Variants in GSTM2 observed in about 807,000 individuals in gnomAD.
GSTM2 encodes the protein glutathione S-transferase mu 2.
Under a neutral mutation model 33.3 loss-of-function variants are expected in GSTM2, and 33 were observed. The ratio of observed to expected loss-of-function variants is 0.99; its 90% CI spans 0.75 to 1.33. The LOEUF (loss-of-function observed/expected upper bound fraction) is 1.33. GSTM2 is among the 40% of genes most tolerant of loss of function. GSTM2 has a pLI of 0.00. For synonymous variants in GSTM2, 93 were observed against 95.6 expected (o/e 0.97, Z 0.16); for missense variants, 213 against 265.8 (o/e 0.80, Z 1.38).
chr1:109,676,457 T>C (rs1360776505), downstream of GSTM2, among the ~76,000 whole-genome samples: 1 of 152,126 alleles, frequency 6.6e-6, no homozygotes, highest in Non-Finnish European at 1.5e-5. Context: ...GTTCAAACAA[T>C]TCTCCTTCCT....
chr1:109,679,198 T>A (rs1647794695), downstream of GSTM2, among the ~76,000 whole-genome samples: 1 of 152,020 alleles, frequency 6.6e-6, no homozygotes, highest in South Asian at 2.1e-4. Context: ...TGGCTGGGCA[T>A]GGTGGCTCAT....
downstream of GSTM2, among the ~76,000 whole-genome samples, chr1:109,676,554 T>C (rs1647710248): frequency 6.6e-6 from 1 of 152,148 alleles, no homozygotes; most frequent in South Asian, 2.1e-4. Context: ...GTTTTCACCA[T>C]GTTGGCCATG....
chr1:109,679,508 T>G (rs1647804530), downstream of GSTM2, among the ~76,000 whole-genome samples: 1 of 152,186 alleles, frequency 6.6e-6, no homozygotes, highest in African/African-American at 2.4e-5. Flanking sequence ...CCTTCAAGTT[T>G]TCTACCTTCA....
downstream of GSTM2, among the ~76,000 whole-genome samples, chr1:109,675,959 C>G (rs1171273696): frequency 1.3e-5 from 2 of 152,356 alleles, no homozygotes; most frequent in Middle Eastern, 3.4e-3. Context: ...TTCCACAGGG[C>G]CTGGGAGGCC....
At chr1:109,678,826 G>A (rs1219624941), downstream of GSTM2, among the ~76,000 whole-genome samples, 1 of 150,510 alleles carries the variant, frequency 6.6e-6, no homozygotes, top group East Asian at 1.9e-4. Flanking sequence ...TAATATTGAT[G>A]GCTATCTCAT....
At chr1:109,680,202 T>C (rs1647829121), downstream of GSTM2, among the ~76,000 whole-genome samples, 1 of 147,810 alleles carries the variant, frequency 6.8e-6, no homozygotes, top group Non-Finnish European at 1.5e-5. Flanking sequence ...AATTTGTAAA[T>C]AAACACACAA....
downstream of GSTM2, among the ~76,000 whole-genome samples, chr1:109,677,455 A>G (rs1164110275): frequency 1.3e-5 from 2 of 152,242 alleles, no homozygotes; most frequent in Non-Finnish European, 2.9e-5. Flanking sequence ...ATATAATGGA[A>G]TACTTACTCT....
Position 109,682,487 on chromosome 1 carries a change from G to A in GSTM2, c.567+10904G>A, listed in dbSNP as rs1295724282. On this transcript the variant is annotated intron_variant, in intron 7 of 7. Coordinates refer to the GSTM2 transcript ENST00000369831. ...GATCTCCTGACCTCGTGATCCGCCC[G>A]CCTTGGCCTCCCAAAGTGTGGGGAT... Among the ~76,000 whole-genome samples, 17 of 100,162 alleles carry A rather than the reference G, an allele frequency of 1.7e-4. 3 individuals carry two copies. The highest frequency in any genetic ancestry group is 1.3e-3 in the South Asian group (4 of 3,076). The allele number at this position is 100,162 out of a possible 152,430, so 65.7% of individuals were successfully genotyped here. A position where few individuals can be genotyped will look rare whatever the true frequency, so the allele number is the denominator to read the frequency against.
In GSTM2 at chr1:109,674,690, T is replaced by G; in HGVS notation, c.568-57T>G. ...ACCTGCTGTGTCTGCAGTGGGGTTGTGCCAGCCCTCATGGGCAGCTGACCT... is the reference window on the plus strand; with the variant it reads ...ACCTGCTGTGTCTGCAGTGGGGTTGGGCCAGCCCTCATGGGCAGCTGACCT... On this transcript the variant is annotated intron_variant, in intron 7 of 7. Transcript: ENST00000241337. The G allele has an allele frequency of 4.3e-6, 7 of 1,613,502 alleles. No homozygotes were observed. The South Asian group carries it at 7.7e-5, about 18-fold the overall frequency.
At position 109,668,268 on chromosome 1, in the gene GSTM2, G is replaced by A. The variant is rs551163954; in HGVS notation, c.36+117G>A. The stretch of plus-strand genomic sequence containing the variant: ...CTTCAGGGCTGTCCCTGACAGCGGG[G>A]TCTGTGCTTGCCGCTGTCTGTGCGT... On this transcript the variant is annotated intron_variant, in intron 1 of 7. Coordinates refer to ENST00000241337, the MANE Select transcript of GSTM2 (RefSeq NM_000848.4). The A allele has an allele frequency of 2.1e-5, 29 of 1,350,852 alleles. 1 individual carries two copies. The South Asian group carries it at 2.6e-4, about 12-fold the overall frequency. The allele number at this position is 1,350,852 out of a possible 1,614,324, so 83.7% of individuals were successfully genotyped here.
At chr1:109,669,445 A>T in intron 4 of GSTM2, 26 bp from the exon 5 acceptor site, 1 of 1,613,344 alleles carries the variant, frequency 6.2e-7, no homozygotes, top group Non-Finnish European at 8.5e-7. Flanking sequence ...TGTGAGGCTG[A>T]GAGTGAATCT....
intron 7 of GSTM2, among the ~76,000 whole-genome samples, chr1:109,680,380 G>A (rs1250806685): frequency 1.3e-5 from 2 of 151,240 alleles, no homozygotes; most frequent in Non-Finnish European, 1.5e-5. Context: ...CTATTACCTG[G>A]GTTTCTTTCT....
rs72989272 is a variant in GSTM2 at position 109,670,984 on chromosome 1, C to T, written c.361-303C>T. On this transcript the variant is annotated intron_variant, in intron 5 of 7. Coordinates refer to ENST00000241337, the MANE Select transcript of GSTM2 (RefSeq NM_000848.4). ...ATTCTGCTCATATCTGGTCCAGAGC[C>T]TACCAGGTGCTCAGGTGCTCCTGGG... is the stretch of plus-strand genomic sequence containing the variant. 4.8e-3 allele frequency: 1,771 copies of T among 372,618 alleles called. 20 individuals carry two copies. The highest frequency in any genetic ancestry group is 0.032 in the African/African-American group (1,588 of 50,032). The allele number at this position is 372,618 out of a possible 1,614,324, so 23.1% of individuals were successfully genotyped here. A position where few individuals can be genotyped will look rare whatever the true frequency, so the allele number is the denominator to read the frequency against.
At chr1:109,672,962 T>C (rs1034432044) in intron 7 of GSTM2, among the ~76,000 whole-genome samples, 5 of 151,170 alleles carry the variant, frequency 3.3e-5, no homozygotes, top group African/African-American at 9.7e-5. Flanking sequence ...CTCTGTCTCC[T>C]GGGTTCAAGT....
rs371258412 is a variant in GSTM2 at position 109,669,283 on chromosome 1, T to C, written c.178-7T>C. 2.2e-5 allele frequency: 35 copies of C among 1,614,000 alleles called. No individual in the cohort carries two copies. The African/African-American group carries it at 4.4e-4, about 20-fold the overall frequency. On this transcript the variant is annotated splice_region_variant and splice_polypyrimidine_tract_variant and intron_variant, in intron 3 of 7. Coordinates refer to ENST00000241337, the MANE Select transcript of GSTM2 (RefSeq NM_000848.4). ...AACTGAGCTTCCCCGGTTTCCCATC[T>C]ATCCAGCTGCCCTACTTGATTGATG...
At chr1:109,673,898 A>G (rs1647631799) in intron 7 of GSTM2, among the ~76,000 whole-genome samples, 3 of 152,100 alleles carry the variant, frequency 2.0e-5, no homozygotes, top group Admixed American at 2.0e-4. Context: ...ATGTTTTTGA[A>G]TACCTTATCT....
At chr1:109,669,158 T>C in intron 3 of GSTM2, 132 bp from the exon 4 acceptor site, 2 of 1,268,796 alleles carry the variant, frequency 1.6e-6, no homozygotes, top group Non-Finnish European at 2.3e-6. Context: ...GCTCATTTAT[T>C]AGTGTGACAG....
chr1:109,677,771 G>A (rs1647739925), downstream of GSTM2, among the ~76,000 whole-genome samples: 1 of 152,194 alleles, frequency 6.6e-6, no homozygotes, highest in Non-Finnish European at 1.5e-5. Context: ...CTTAAGGCCT[G>A]TCCACTGTAT....
downstream of GSTM2, among the ~76,000 whole-genome samples, chr1:109,676,943 C>T (rs1647719301): frequency 2.0e-5 from 3 of 152,178 alleles, no homozygotes; most frequent in South Asian, 2.1e-4. Context: ...ACGCAAGGCT[C>T]AGCAGGGAGA....
Sources: gnomAD v4.1 joint callset for allele counts (sites outside exome capture counted in the v4.1 genomes callset) on GRCh38, gnomAD v4.1.1 for gene constraint, MANE v1.5 for transcripts, NCBI Gene and HGNC (gene_info 2026-07-23, HGNC 2026-07-21) for gene names.